The following DARS1 variants were observed in gnomAD, a reference collection of about 807,000 sequenced individuals.
DARS1 encodes the protein aspartate--tRNA ligase, cytoplasmic.
DARS1 carries 51 observed loss-of-function variants against 68.8 expected under a neutral mutation model. That is an observed-to-expected ratio of 0.74 (90% confidence interval 0.59 to 0.94). DARS1 has a LOEUF of 0.94. Ranked by LOEUF, DARS1 falls within the 40% of genes least tolerant of loss-of-function variation. DARS1 has a pLI of 0.00. For synonymous variants in DARS1, 203 were observed against 190.4 expected (o/e 1.07, Z -0.55); for missense variants, 607 against 597.3 (o/e 1.02, Z -0.17).
At chr2:135,981,943 T>C (rs1682641233) in intron 2 of DARS1, among the ~76,000 whole-genome samples, 1 of 152,182 alleles carries the variant, frequency 6.6e-6, no homozygotes, top group Non-Finnish European at 1.5e-5. Context: ...GGTCTTTTAT[T>C]GTATTCTTTC....
At chr2:135,955,086 T>A (rs773779191) in intron 4 of DARS1, among the ~76,000 whole-genome samples, 3 of 151,962 alleles carry the variant, frequency 2.0e-5, no homozygotes, top group Non-Finnish European at 2.9e-5. Context: ...CCAAATTTTA[T>A]TTTTGGGTAG....
chr2:135,955,673 CTTTTTTTTTTTTTTTTTTT>C (rs75123258), intron 4 of DARS1, among the ~76,000 whole-genome samples: 3,220 of 61,516 alleles, frequency 0.052, 150 homozygotes, highest in South Asian at 0.15. Context: ...AAATAAAAAT[CTTTTTTTTTTTTTTTTTTT>C]TTTTTTTTTT....
chr2:135,920,218 G>C (rs950759789), intron 10 of DARS1, among the ~76,000 whole-genome samples: 1 of 152,180 alleles, frequency 6.6e-6, no homozygotes, highest in African/African-American at 2.4e-5. Context: ...TCACAATGTG[G>C]TAAATTTACT....
rs1298458549 is a variant in DARS1, at chr2:135,911,367, T to C, written c.1342+15A>G. 1 of 888,240 alleles carries C rather than the reference T, an allele frequency of 1.1e-6. No homozygotes were observed. The allele number at this position is 888,240 out of a possible 1,614,324, so 55.0% of individuals were successfully genotyped here. A position where few individuals can be genotyped will look rare whatever the true frequency, so the allele number is the denominator to read the frequency against. ...TCAGAATATACACTCCCCTAAATTA[T>C]TTTAAGTTGTTTACCAATTCCATGA... On this transcript the variant is annotated intron_variant, in intron 14 of 15. Transcript: ENST00000264161.
At chr2:135,954,325 C>CAAAAAAAAAAAAAAA (rs1172207033) in intron 4 of DARS1, among the ~76,000 whole-genome samples, 10 of 81,392 alleles carry the variant, frequency 1.2e-4, no homozygotes, top group Non-Finnish European at 1.3e-4. Context: ...AAAACAAAAC[C>CAAAAAAAAAAAAAAA]AAAAAAAAAA....
chr2:135,959,317 C>T lies in DARS1; in HGVS notation c.320+2079G>A, dbSNP rs192618053. 9.2e-4 allele frequency among the ~76,000 whole-genome samples: 123 copies of T among 133,340 alleles called. 1 individual carries two copies. The highest frequency in any genetic ancestry group is 3.3e-3 in the African/African-American group (118 of 35,650). The allele number at this position is 133,340 out of a possible 152,430, so 87.5% of individuals were successfully genotyped here. A position where few individuals can be genotyped will look rare whatever the true frequency, so the allele number is the denominator to read the frequency against. On this transcript the variant is annotated intron_variant, in intron 4 of 15. Transcript: ENST00000264161. Reference sequence around the variant, plus strand: ...GCTGAGGCAGGAGAATTGCTTGAACCGGGTAGGAGGTTGCGATGAGCGGAG... The same window carrying T: ...GCTGAGGCAGGAGAATTGCTTGAACTGGGTAGGAGGTTGCGATGAGCGGAG...
intron 10 of DARS1, among the ~76,000 whole-genome samples, chr2:135,919,039 A>AT (rs1422763701): frequency 3.3e-5 from 5 of 152,002 alleles, no homozygotes; most frequent in African/African-American, 1.2e-4. Flanking sequence ...TCTACATTCT[A>AT]TTTTTTCTTT....
chr2:135,934,801 T>G (rs1367432762), intron 5 of DARS1, among the ~76,000 whole-genome samples: 1 of 151,068 alleles, frequency 6.6e-6, no homozygotes, highest in Admixed American at 6.6e-5. Flanking sequence ...TATCATTTTT[T>G]TTTTTTTTTT....
At chr2:135,976,109 A>G (rs1246261243) in intron 3 of DARS1, among the ~76,000 whole-genome samples, 3 of 152,226 alleles carry the variant, frequency 2.0e-5, no homozygotes, top group Non-Finnish European at 4.4e-5. Context: ...AATTAAAAAT[A>G]TTGTAAATGA....
intron 4 of DARS1, among the ~76,000 whole-genome samples, chr2:135,955,972 CTAAGG>C (rs934568064): frequency 2.0e-5 from 3 of 152,064 alleles, no homozygotes; most frequent in African/African-American, 7.2e-5. Flanking sequence ...TGTTTCAATT[CTAAGG>C]TAAGCATAAG....
chr2:135,974,479 AG>A (rs1489883916), intron 3 of DARS1, among the ~76,000 whole-genome samples: 1 of 152,240 alleles, frequency 6.6e-6, no homozygotes, highest in African/African-American at 2.4e-5. Flanking sequence ...TATATTTTGA[AG>A]GGAAGAAATG....
At position 135,985,518 on chromosome 2, in the gene DARS1, T is replaced by C; in HGVS notation, c.-50A>G. ...CACCACCCTCCCTCGCAGGCTTCCG[T>C]AAGGCAGGCCAAAGGGGCTTCTCCC... On this transcript the variant is annotated 5_prime_UTR_variant, in exon 1 of 16. Transcript: ENST00000264161. The C allele has an allele frequency of 6.2e-7, 1 of 1,613,628 alleles. No individual in the cohort carries two copies.
intron 7 of DARS1, among the ~76,000 whole-genome samples, chr2:135,931,949 A>G (rs766066725): frequency 8.5e-5 from 13 of 152,162 alleles, no homozygotes; most frequent in Non-Finnish European, 1.6e-4. Flanking sequence ...ATAAATAAAG[A>G]ATGATGTCTC....
At chr2:135,932,968 C>T (rs185526395) in intron 6 of DARS1, 126 bp from the exon 7 acceptor site, 15 of 543,760 alleles carry the variant, frequency 2.8e-5, no homozygotes, top group Admixed American at 3.3e-5. Context: ...ATATTATGCC[C>T]GAAAATCAGA....
chr2:135,958,637 ATTATC>A (rs1230244920), intron 4 of DARS1, among the ~76,000 whole-genome samples: 5 of 152,184 alleles, frequency 3.3e-5, no homozygotes, highest in Non-Finnish European at 7.3e-5. Context: ...TCCTAAGAAA[ATTATC>A]TTAACCAACT....
rs763002715 is a variant in DARS1, at chr2:135,922,855, G to A, written c.740C>T (p.Ala247Val). 3.8e-6 allele frequency: 6 copies of A among 1,586,536 alleles called. No individual in the cohort carries two copies. The Admixed American group carries it at 8.9e-5, about 23-fold the overall frequency. Residue 247 changes from alanine to valine, a missense_variant, in exon 9 of 16, where the codon GCT becomes GTT. Coordinates refer to ENST00000264161, the MANE Select transcript of DARS1 (RefSeq NM_001349.4). ...TTGCTTATATAGCTGTGGGGACTGAGCCAGGTATGCATTATTTTTAAAATA... is the reference window on the plus strand; with the variant it reads ...TTGCTTATATAGCTGTGGGGACTGAACCAGGTATGCATTATTTTTAAAATA... ...VSYFKNNAYL[A>V]QSPQLYKQMC...
chr2:135,944,981 A>G (rs1681688859), intron 4 of DARS1, among the ~76,000 whole-genome samples: 1 of 152,154 alleles, frequency 6.6e-6, no homozygotes, highest in Admixed American at 6.5e-5. Flanking sequence ...TCCCAAGTAG[A>G]GGTCCACTCT....
chr2:135,918,380 A>G (rs2104798473), intron 10 of DARS1, among the ~76,000 whole-genome samples: 1 of 152,298 alleles, frequency 6.6e-6, no homozygotes, highest in Admixed American at 6.5e-5. Context: ...ATACATATAC[A>G]TACAATAGAA....
chr2:135,966,342 A>C (rs746151960), intron 3 of DARS1, among the ~76,000 whole-genome samples: 1 of 152,126 alleles, frequency 6.6e-6, no homozygotes, highest in Non-Finnish European at 1.5e-5. Context: ...TAAGAAGCAA[A>C]TATATAATTC....
Sources: allele counts gnomAD v4.1 joint callset (sites outside exome capture counted in the v4.1 genomes callset), GRCh38; gene constraint gnomAD v4.1.1; transcripts MANE v1.5; gene names NCBI Gene and HGNC (gene_info 2026-07-23, HGNC 2026-07-21).